MOB3A: variants seen among roughly 807,000 people sequenced by gnomAD.
The protein encoded by MOB3A is MOB LAK.
A neutral mutation model predicts 17.8 loss-of-function variants in MOB3A; 17 were observed. That is an observed-to-expected ratio of 0.95 (90% CI 0.65 to 1.43). The LOEUF (loss-of-function observed/expected upper bound fraction) is 1.43, where lower values mean the gene tolerates loss of function less well. MOB3A is among the 40% of genes most tolerant of loss of function. MOB3A has a pLI of 0.00. For missense variants in MOB3A, 333 were observed against 310.8 expected, an observed-to-expected ratio of 1.07 and a Z score of -0.54; for synonymous variants, 124 against 133.2, an observed-to-expected ratio of 0.93 and a Z score of 0.48.
intron 2 of MOB3A, among the ~76,000 whole-genome samples, chr19:2,080,185 C>T (rs1032292403): frequency 6.6e-6 from 1 of 152,154 alleles, no homozygotes; most frequent in Admixed American, 6.5e-5. Flanking sequence ...TTGACTGTGA[C>T]ACTTGGGGCA....
intron 1 of MOB3A, among the ~76,000 whole-genome samples, chr19:2,091,659 C>T (rs1276515087): frequency 6.6e-6 from 1 of 150,454 alleles, no homozygotes; most frequent in Non-Finnish European, 1.5e-5. Flanking sequence ...GCTGGGATTA[C>T]AGGCGTGAGC....
chr19:2,076,731 T>C, intron 4 of MOB3A, 80 bp downstream of exon 4: 6 of 1,454,256 alleles, frequency 4.1e-6, no homozygotes, highest in Non-Finnish European at 4.7e-6. Flanking sequence ...GCAGTCAGGG[T>C]CCTGGCCCCG....
At position 2,075,266 on chromosome 19, in the gene MOB3A, G is replaced by A. The variant is rs2017389991; in HGVS notation, c.624+1545C>T. On this transcript the variant is annotated intron_variant, in intron 4 of 4. Transcript: ENST00000357066. ...GCTGTTCTCAAACTTCTGAGCTCGA[G>A]TGATTCTCCCTCTTTGGCCTCCCAA... Among the ~76,000 whole-genome samples, 3 of 152,238 alleles carry A rather than the reference G, an allele frequency of 2.0e-5. No homozygotes were observed. In the South Asian group the frequency reaches 6.2e-4, roughly 32 times the overall value.
Position 2,078,606 on chromosome 19 carries a change from C to G in MOB3A, c.-46G>C. ...TGGACTTCTGTAGAGGGGTCCTGGG[C>G]CAGCTGGCTGGGGGTGCTGACCAAC... On this transcript the variant is annotated 5_prime_UTR_variant, in exon 3 of 5. Coordinates refer to ENST00000357066, the MANE Select transcript of MOB3A (RefSeq NM_130807.3). The G allele has an allele frequency of 6.6e-7, 1 of 1,517,750 alleles. No homozygotes were observed. Among genetic ancestry groups the G allele is most frequent in the South Asian group, 1.3e-5 (1 of 75,968 alleles). The allele number at this position is 1,517,750 out of a possible 1,614,324, so 94.0% of individuals were successfully genotyped here.
At chr19:2,081,586 TCAAAA>T (rs201553555) in intron 2 of MOB3A, among the ~76,000 whole-genome samples, 2,013 of 141,190 alleles carry the variant, frequency 0.014, 53 homozygotes, top group African/African-American at 0.05. Context: ...AGATTCTGCT[TCAAAA>T]CAAAACAAAA....
chr19:2,095,808 G>C (rs1436887447), intron 1 of MOB3A, among the ~76,000 whole-genome samples: 1 of 149,830 alleles, frequency 6.7e-6, no homozygotes, highest in Non-Finnish European at 1.5e-5. Flanking sequence ...GCAGTGATGT[G>C]ATCTCGGCTC....
intron 2 of MOB3A, among the ~76,000 whole-genome samples, chr19:2,081,410 A>G (rs935115136): frequency 6.6e-6 from 1 of 152,072 alleles, no homozygotes; most frequent in Admixed American, 6.6e-5. Flanking sequence ...CAACATGGTG[A>G]AACCCCATCT....
At chr19:2,081,604 G>A (rs2017490692) in intron 2 of MOB3A, among the ~76,000 whole-genome samples, 1 of 150,798 alleles carries the variant, frequency 6.6e-6, no homozygotes, top group Non-Finnish European at 1.5e-5. Flanking sequence ...AAACAAAACA[G>A]GCCTGGCGCG....
intron 3 of MOB3A, 112 bp from the exon 4 acceptor site, chr19:2,077,125 G>C: frequency 1.1e-6 from 1 of 936,960 alleles, no homozygotes; most frequent in Non-Finnish European, 1.6e-6. Context: ...GGCAGATCGG[G>C]CGCGGTGGCT....
chr19:2,083,903 G>A (rs945798885), intron 2 of MOB3A, among the ~76,000 whole-genome samples: 5 of 152,142 alleles, frequency 3.3e-5, no homozygotes, highest in Non-Finnish European at 7.4e-5. Context: ...GAGCCTCAGG[G>A]AGAAAGCGGC....
rs375222150 is a variant in MOB3A at position 2,073,362 on chromosome 19, G to A, written c.*33C>T. 39 of 1,612,204 alleles carry A rather than the reference G, an allele frequency of 2.4e-5. No homozygotes were observed. In the African/African-American group the frequency reaches 2.5e-4, roughly 10 times the overall value. ...TCCTCCAAGTCTCCGAGGCCCCAGCGGCGGTTCGGGCACCGGGAGACCCGC... is the reference window on the plus strand; with the variant it reads ...TCCTCCAAGTCTCCGAGGCCCCAGCAGCGGTTCGGGCACCGGGAGACCCGC... On this transcript the variant is annotated 3_prime_UTR_variant, in exon 5 of 5. Transcript: ENST00000357066.
In MOB3A at chr19:2,082,333, C is replaced by A. The variant is rs1334765484; in HGVS notation, c.-120+2842G>T. 6.6e-6 allele frequency among the ~76,000 whole-genome samples: 1 copy of A among 152,228 alleles called. No individual in the cohort carries two copies. Among genetic ancestry groups the A allele is most frequent in the Non-Finnish European group, 1.5e-5 (1 of 68,046 alleles). On this transcript the variant is annotated intron_variant, in intron 2 of 4. Coordinates refer to ENST00000357066, the MANE Select transcript of MOB3A (RefSeq NM_130807.3). The surrounding 1 kb of genome is among the most constrained non-coding windows in gnomAD (Gnocchi z 4.1). ...GCAAGGTGCTGAGCGGCATCCCTGG[C>A]CGCCGCCCCTCCCTGCCAGGAGCTC...
chr19:2,075,496 G>A (rs2017393227), intron 4 of MOB3A, among the ~76,000 whole-genome samples: 1 of 152,100 alleles, frequency 6.6e-6, no homozygotes, highest in Non-Finnish European at 1.5e-5. Context: ...AGCCGGGCGT[G>A]CTGGCTGTGG....
intron 4 of MOB3A, among the ~76,000 whole-genome samples, chr19:2,076,572 G>C (rs72981491): frequency 2.4e-4 from 36 of 152,358 alleles, no homozygotes; most frequent in Non-Finnish European, 4.3e-4. Flanking sequence ...GCTGGACGCG[G>C]GGCGGCGCGG....
chr19:2,071,053 G>T lies in MOB3A; in HGVS notation c.*2342C>A, dbSNP rs1328472386. 1.3e-5 allele frequency: 2 copies of T among 152,172 alleles called. No homozygotes were observed. The highest frequency in any genetic ancestry group is 4.8e-5 in the African/African-American group (2 of 41,420). 9.4% of individuals were successfully genotyped at this position (152,172 alleles called of 1,614,324 possible). ...ACCATTTATTCCGACGTCTGCGTCT[G>T]TAGTTTTATTCCGTATCTGGCTGGG... On this transcript the variant is annotated 3_prime_UTR_variant, in exon 5 of 5. Transcript: ENST00000357066.
At position 2,075,729 on chromosome 19, in the gene MOB3A, G is replaced by A. The variant is rs113966652; in HGVS notation, c.624+1082C>T. Among the ~76,000 whole-genome samples the A allele has an allele frequency of 6.5e-4, 99 of 152,208 alleles. 1 individual carries two copies. Among genetic ancestry groups the A allele is most frequent in the African/African-American group, 2.2e-3 (90 of 41,548 alleles). ...GCTTCAGGGATGTGGACCCCACACC[G>A]AGGAATCTGGTCCCTGGGTTCGTCT... On this transcript the variant is annotated intron_variant, in intron 4 of 4. Coordinates refer to ENST00000357066, the MANE Select transcript of MOB3A (RefSeq NM_130807.3).
chr19:2,089,244 C>A (rs1020068626), intron 1 of MOB3A, among the ~76,000 whole-genome samples: 13 of 152,178 alleles, frequency 8.5e-5, no homozygotes, highest in Non-Finnish European at 1.6e-4. Flanking sequence ...GGGGCTCACC[C>A]GTGCTGCACG....
At chr19:2,074,643 C>G (rs993629116) in intron 4 of MOB3A, among the ~76,000 whole-genome samples, 1 of 151,924 alleles carries the variant, frequency 6.6e-6, no homozygotes, top group African/African-American at 2.4e-5. Context: ...ACCTCCACCT[C>G]CTGGGTTCAA....
chr19:2,084,417 C>T (rs1352813804), intron 2 of MOB3A, among the ~76,000 whole-genome samples: 1 of 151,450 alleles, frequency 6.6e-6, no homozygotes, highest in Non-Finnish European at 1.5e-5. Context: ...TCGCTTGAAC[C>T]CAGGGAGGCG....
Sources: gnomAD v4.1 joint callset for allele counts (sites outside exome capture counted in the v4.1 genomes callset) on GRCh38, gnomAD v4.1.1 for gene constraint, Gnocchi (gnomAD v3.1) non-coding constraint, MANE v1.5 for transcripts, NCBI Gene and HGNC (gene_info 2026-07-23, HGNC 2026-07-21) for gene names.